Variants in EXD3 observed in about 807,000 individuals in gnomAD.
EXD3 encodes exonuclease mut-7 homolog.
A neutral mutation model predicts 98.0 loss-of-function variants in EXD3; 92 were observed. The ratio of observed to expected loss-of-function variants is 0.94; its 90% CI spans 0.79 to 1.12. The LOEUF (loss-of-function observed/expected upper bound fraction) is 1.12. Among genes scored for constraint, EXD3 ranks in the 50% most tolerant of loss-of-function variants. The probability of loss-of-function intolerance (pLI) is 0.00; values close to 1 mark genes in which losing one functional copy is unlikely to be tolerated. For synonymous variants in EXD3, 569 were observed against 526.0 expected (o/e 1.08, Z -1.12); for missense variants, 1,222 against 1,191.6 (o/e 1.03, Z -0.38).
Position 137,393,074 on chromosome 9 carries a change from G to C in EXD3, c.55+2229C>G. 1 of 667,372 alleles carries C rather than the reference G, an allele frequency of 1.5e-6. No individual in the cohort carries two copies. The allele number at this position is 667,372 out of a possible 1,614,324, so 41.3% of individuals were successfully genotyped here. On this transcript the variant is annotated intron_variant, in intron 2 of 21. Coordinates refer to ENST00000340951, the MANE Select transcript of EXD3 (RefSeq NM_017820.5). This position sits in a 1 kb window ranked among gnomAD's most constrained non-coding sequence, Gnocchi z 4.6. ...TGCTGAGGCTGTTCCAGGGGGCACC[G>C]AGGCTGTTCTCGGTGGGGGTGCCGT...
intron 3 of EXD3, among the ~76,000 whole-genome samples, chr9:137,379,190 C>G (rs1836085025): frequency 9.3e-6 from 1 of 107,600 alleles, no homozygotes; most frequent in African/African-American, 3.7e-5. Flanking sequence ...GGAATGGGGG[C>G]GTCTGTGTGA....
chr9:137,333,553 C>A (rs546921216), intron 17 of EXD3, among the ~76,000 whole-genome samples: 1 of 152,156 alleles, frequency 6.6e-6, no homozygotes, highest in Non-Finnish European at 1.5e-5. Context: ...GGAGGCCACT[C>A]GATCATGGGG....
At position 137,405,804 on chromosome 9, in the gene EXD3, A is replaced by G. The variant is rs1232568376; in HGVS notation, c.-47-10400T>C. Among the ~76,000 whole-genome samples, 2 of 152,316 alleles carry G rather than the reference A, an allele frequency of 1.3e-5. No homozygotes were observed. Among genetic ancestry groups the G allele is most frequent in the African/African-American group, 4.8e-5 (2 of 41,562 alleles). On this transcript the variant is annotated intron_variant, in intron 1 of 21. Transcript: ENST00000340951. The surrounding 1 kb of genome is among the most constrained non-coding windows in gnomAD (Gnocchi z 4.1). Reference sequence around the variant, plus strand: ...CGGCACAGGGGTGGGTACCATGCACATGGTCTCCCCGCCCTGCCTACCATC... The same window carrying G: ...CGGCACAGGGGTGGGTACCATGCACGTGGTCTCCCCGCCCTGCCTACCATC...
chr9:137,339,199 A>G (rs1464949069), intron 17 of EXD3, among the ~76,000 whole-genome samples: 1 of 152,202 alleles, frequency 6.6e-6, no homozygotes, highest in Admixed American at 6.5e-5. Flanking sequence ...ACATCAGGCC[A>G]GGAAGCCTCA....
chr9:137,366,906 G>C (rs894673439), intron 6 of EXD3, among the ~76,000 whole-genome samples: 4 of 152,260 alleles, frequency 2.6e-5, no homozygotes, highest in African/African-American at 9.6e-5. Context: ...ACCAAATGTG[G>C]GGAGGCAGGA....
At chr9:137,408,958 TG>T (rs1437780619) in intron 1 of EXD3, among the ~76,000 whole-genome samples, 2 of 152,214 alleles carry the variant, frequency 1.3e-5, no homozygotes, top group African/African-American at 4.8e-5. Context: ...CTCACTTTGC[TG>T]ATCAGCCTGG....
intron 1 of EXD3, among the ~76,000 whole-genome samples, chr9:137,417,460 CGAGGGGCGG>C (rs1334055967): frequency 1.3e-5 from 2 of 152,132 alleles, no homozygotes; most frequent in Non-Finnish European, 2.9e-5. Context: ...GCCAACGGCG[CGAGGGGCGG>C]GAGGCGGCGT....
chr9:137,374,436 T>TC lies in EXD3; in HGVS notation c.121-838dup, dbSNP rs1202952090. 2.5e-5 allele frequency: 12 copies of TC among 471,102 alleles called. No individual in the cohort carries two copies. In the East Asian group the frequency reaches 1.4e-3, roughly 54 times the overall value. The allele number at this position is 471,102 out of a possible 1,614,324, so 29.2% of individuals were successfully genotyped here. A position where few individuals can be genotyped will look rare whatever the true frequency, so the allele number is the denominator to read the frequency against. On this transcript the variant is annotated intron_variant, in intron 3 of 21. Coordinates refer to ENST00000340951, the MANE Select transcript of EXD3 (RefSeq NM_017820.5). Reference sequence around the variant, plus strand: ...GAGAGCGTGGGCCGCGCTGTTCTCGTCCCTGCGATGTGGATGGTGTGCTCT... The same window carrying TC: ...GAGAGCGTGGGCCGCGCTGTTCTCGTCCCCTGCGATGTGGATGGTGTGCTCT...
At chr9:137,330,395 C>T (rs558931853) in intron 17 of EXD3, among the ~76,000 whole-genome samples, 8 of 106,094 alleles carry the variant, frequency 7.5e-5, no homozygotes, top group African/African-American at 2.8e-4. Context: ...TACACAGGAG[C>T]TACACAGGGC....
intron 3 of EXD3, among the ~76,000 whole-genome samples, chr9:137,376,132 C>G (rs897065623): frequency 2.0e-5 from 3 of 151,884 alleles, no homozygotes; most frequent in African/African-American, 2.4e-5. Context: ...ATCACGAGGT[C>G]AGGAGATAGA....
chr9:137,352,016 G>A (rs1834332392), intron 12 of EXD3, 50 bp downstream of exon 12: 1 of 1,561,952 alleles, frequency 6.4e-7, no homozygotes, highest in East Asian at 2.3e-5. Context: ...TCCAGTGCCT[G>A]GCAGGGGGAT....
intron 19 of EXD3, among the ~76,000 whole-genome samples, chr9:137,315,928 C>T (rs560080288): frequency 1.6e-4 from 24 of 151,486 alleles, no homozygotes; most frequent in Admixed American, 1.1e-3. Flanking sequence ...GGGGCGCCCC[C>T]ACACCGTCCC....
intron 5 of EXD3, among the ~76,000 whole-genome samples, chr9:137,372,660 G>A (rs1228347079): frequency 6.6e-6 from 1 of 152,218 alleles, no homozygotes; most frequent in African/African-American, 2.4e-5. Context: ...GGTCGGCAGG[G>A]GGAGACCCAG....
intron 5 of EXD3, among the ~76,000 whole-genome samples, chr9:137,370,966 G>C (rs956332644): frequency 7.2e-5 from 11 of 152,172 alleles, no homozygotes; most frequent in African/African-American, 2.7e-4. Context: ...CAGCTAATCC[G>C]AGCGGACAGG....
Position 137,395,412 on chromosome 9 carries a change from AACAG to A in EXD3, c.-47-12_-47-9del, listed in dbSNP as rs1837164367. 7.4e-6 allele frequency: 12 copies of A among 1,612,346 alleles called. No homozygotes were observed. Among genetic ancestry groups the A allele is most frequent in the Middle Eastern group, 3.3e-4 (2 of 6,056 alleles). On this transcript the variant is annotated splice_polypyrimidine_tract_variant and intron_variant, in intron 1 of 21. Coordinates refer to ENST00000340951, the MANE Select transcript of EXD3 (RefSeq NM_017820.5). The surrounding 1 kb of genome is among the most constrained non-coding windows in gnomAD (Gnocchi z 6.5). The stretch of plus-strand genomic sequence containing the variant: ...GCAGCTAGGAACGAGGATCTGCAGA[AACAG>A]ACAATCAGGTGAATGCAGAGCCCAC...
intron 19 of EXD3, among the ~76,000 whole-genome samples, chr9:137,314,231 C>A (rs2119059360): frequency 6.6e-6 from 1 of 152,346 alleles, no homozygotes; most frequent in Non-Finnish European, 1.5e-5. Context: ...CCCACGCTGT[C>A]CCCAGAGTGC....
intron 14 of EXD3, among the ~76,000 whole-genome samples, chr9:137,350,367 T>G (rs1314944901): frequency 6.8e-5 from 4 of 59,072 alleles, no homozygotes; most frequent in Non-Finnish European, 1.3e-4. Context: ...ACGGGGAAGG[T>G]GCTAGATAGA....
At chr9:137,358,222 G>A (rs1297772829) in intron 7 of EXD3, among the ~76,000 whole-genome samples, 1 of 152,228 alleles carries the variant, frequency 6.6e-6, no homozygotes, top group Non-Finnish European at 1.5e-5. Context: ...ACACTGCCCT[G>A]CAGAGGAACC....
At chr9:137,318,973 G>A (rs1390597615) in intron 19 of EXD3, among the ~76,000 whole-genome samples, 1 of 152,258 alleles carries the variant, frequency 6.6e-6, no homozygotes, top group Admixed American at 6.5e-5. Flanking sequence ...CCTGCACGTT[G>A]AGCGGGCTTT....
Sources: allele counts gnomAD v4.1 joint callset (sites outside exome capture counted in the v4.1 genomes callset), GRCh38; gene constraint gnomAD v4.1.1; non-coding constraint Gnocchi (gnomAD v3.1); transcripts MANE v1.5; gene names NCBI Gene and HGNC (gene_info 2026-07-23, HGNC 2026-07-21).